Variants in SZT2 observed in about 807,000 individuals in gnomAD.
The protein encoded by SZT2 is SZT2 subunit of KICSTOR complex.
Under a neutral mutation model 404.2 loss-of-function variants are expected in SZT2, and 216 were observed. The ratio of observed to expected loss-of-function variants is 0.53; its 90% CI spans 0.48 to 0.60. The LOEUF (loss-of-function observed/expected upper bound fraction) is 0.60. Ranked by LOEUF, SZT2 falls within the 20% of genes least tolerant of loss-of-function variation. The pLI, the probability that SZT2 is intolerant of heterozygous loss-of-function variation, is 0.00. For missense variants in SZT2, 3,857 were observed against 4,459.2 expected (o/e 0.86, Z 3.85); for synonymous variants, 1,693 against 1,749.9 (o/e 0.97, Z 0.81).
chr1:43,420,391 A>G lies in SZT2; in HGVS notation c.1261+68A>G, dbSNP rs930478606. Reference sequence around the variant, plus strand: ...AGAATTTGTGTGTGGGAAGACCCACATGTATCACACATGAAAGAGTGTCAC... The same window carrying G: ...AGAATTTGTGTGTGGGAAGACCCACGTGTATCACACATGAAAGAGTGTCAC... On this transcript the variant is annotated intron_variant, in intron 9 of 71. Transcript: ENST00000634258. This position sits in a 1 kb window ranked among gnomAD's most constrained non-coding sequence, Gnocchi z 5.1. The G allele has an allele frequency of 2.6e-5, 38 of 1,467,380 alleles. No individual in the cohort carries two copies. The highest frequency in any genetic ancestry group is 3.2e-5 in the Non-Finnish European group (36 of 1,108,132). The allele number at this position is 1,467,380 out of a possible 1,614,324, so 90.9% of individuals were successfully genotyped here. A position where few individuals can be genotyped will look rare whatever the true frequency, so the allele number is the denominator to read the frequency against.
intron 1 of SZT2, among the ~76,000 whole-genome samples, chr1:43,390,891 T>G (rs968997879): frequency 2.0e-5 from 3 of 152,248 alleles, no homozygotes; most frequent in African/African-American, 7.2e-5. Context: ...TAGTATTCAT[T>G]ACTGCATACA....
intron 46 of SZT2, chr1:43,438,185 A>G (rs1654669148): frequency 7.1e-6 from 3 of 424,986 alleles, no homozygotes; most frequent in South Asian, 2.3e-5. Context: ...GGCTTCTGCC[A>G]TGTTCAGGGT....
intron 28 of SZT2, chr1:43,428,787 C>G (rs1342543484): frequency 8.6e-6 from 3 of 350,870 alleles, no homozygotes; most frequent in African/African-American, 6.1e-5. Context: ...TGAGGACATC[C>G]ACACAATAGT....
chr1:43,438,410 A>C (rs537041873), intron 46 of SZT2, among the ~76,000 whole-genome samples: 44 of 152,190 alleles, frequency 2.9e-4, no homozygotes, highest in Non-Finnish European at 5.3e-4. Context: ...GAGACTGTTA[A>C]ATAACTTCTA....
In SZT2 at chr1:43,453,302, C is replaced by A. The variant is rs74598418; in HGVS notation, c.*2822C>A. 1,757 of 862,944 alleles carry A rather than the reference C, an allele frequency of 2.0e-3. 24 individuals are homozygous for A. In the African/African-American group the frequency reaches 0.026, roughly 13 times the overall value. 53.5% of individuals were successfully genotyped at this position (862,944 alleles called of 1,614,324 possible). A position where few individuals can be genotyped will look rare whatever the true frequency, so the allele number is the denominator to read the frequency against. On this transcript the variant is annotated 3_prime_UTR_variant, in exon 72 of 72. Transcript: ENST00000634258. ...AAACCAGTGGGCTCAGACTTCTGAG[C>A]GTCTCAGATCTGGCGTCCTCGACTC...
At chr1:43,435,757 G>GA (rs1654394701) in intron 42 of SZT2, 1 of 160,356 alleles carries the variant, frequency 6.2e-6, no homozygotes, top group Non-Finnish European at 1.4e-5. Context: ...AGGGGAGGGG[G>GA]AGAGGTTGAA....
intron 12 of SZT2, 73 bp from the exon 13 acceptor site, chr1:43,422,407 T>C (rs1652477488): frequency 1.3e-6 from 2 of 1,508,162 alleles, no homozygotes; most frequent in East Asian, 2.3e-5. Flanking sequence ...TAGAAGAGAG[T>C]GATAGTAGTC....
At chr1:43,407,682 C>T (rs1384444279) in intron 4 of SZT2, among the ~76,000 whole-genome samples, 1 of 151,892 alleles carries the variant, frequency 6.6e-6, no homozygotes, top group African/African-American at 2.4e-5. Context: ...AGTTAATTCA[C>T]ATATATAATA....
chr1:43,391,343 C>T (rs1259754482), intron 1 of SZT2, among the ~76,000 whole-genome samples: 4 of 151,862 alleles, frequency 2.6e-5, no homozygotes, highest in Non-Finnish European at 2.9e-5. Flanking sequence ...CAAAGTTACA[C>T]AGCTATTAAG....
Position 43,427,568 on chromosome 1 carries a change from C to T in SZT2, c.3637C>T (p.Arg1213Cys), listed in dbSNP as rs930413937. The part of the protein sequence containing the change: ...QNQGELSPPF[R>C]RDLQAYAGRQ... Reference sequence around the variant, plus strand: ...TCAAGGAGAGCTAAGTCCACCATTCCGTCGAGACTTACAGGCTTACGCTGG... The same window carrying T: ...TCAAGGAGAGCTAAGTCCACCATTCTGTCGAGACTTACAGGCTTACGCTGG... Residue 1213 changes from arginine to cysteine, a missense_variant, in exon 26 of 72, where the codon CGT (arginine) becomes TGT (cysteine). Around this residue, in one of 7 missense-constraint regions of SZT2, gnomAD observed 1,725 missense variants for 1,881.0 expected, o/e 0.92. Transcript: ENST00000634258. 2 of 1,614,240 alleles carry T rather than the reference C, an allele frequency of 1.2e-6. No homozygotes were observed. Among genetic ancestry groups the T allele is most frequent in the African/African-American group, 1.3e-5 (1 of 75,046 alleles).
In SZT2 at chr1:43,427,386, G is replaced by A. The variant is rs756862838; in HGVS notation, c.3539G>A (p.Gly1180Glu). 6.2e-7 allele frequency: 1 copy of A among 1,614,056 alleles called. No individual in the cohort carries two copies. Among genetic ancestry groups the A allele is most frequent in the South Asian group, 1.1e-5 (1 of 91,036 alleles). ...GCTCCCAGTCTGAAAGATCTAGGAG[G>A]AACTGGGATCAAAGCTACAAAGTCC... ...SGAPSLKDLGGTGIKATKSHV... is the reference protein window; with the variant it reads ...SGAPSLKDLGETGIKATKSHV... Residue 1180 changes from glycine to glutamate, a missense_variant, in exon 25 of 72, where the codon GGA becomes GAA. Gly to Glu is a moderately conservative substitution (Grantham distance 98, BLOSUM62 -2). Coordinates refer to ENST00000634258, the MANE Select transcript of SZT2 (RefSeq NM_001365999.1).
At chr1:43,422,731 C>T (rs1259348330) in intron 13 of SZT2, 38 bp from the exon 14 acceptor site, 14 of 1,496,634 alleles carry the variant, frequency 9.4e-6, no homozygotes, top group Non-Finnish European at 1.2e-5. Flanking sequence ...TACTTCCTGC[C>T]AACCTTGGGC....
At position 43,422,470 on chromosome 1, in the gene SZT2, C is replaced by A. The variant is rs540649224; in HGVS notation, c.1770-10C>A. 6.4e-7 allele frequency: 1 copy of A among 1,572,190 alleles called. No individual in the cohort carries two copies. The highest frequency in any genetic ancestry group is 1.7e-5 in the Admixed American group (1 of 57,222). On this transcript the variant is annotated splice_polypyrimidine_tract_variant and intron_variant, in intron 12 of 71. Transcript: ENST00000634258. ...GGAGGTCTAACCTCAGTCCACACCC[C>A]TCTTCCTAGACCAATCCCCAAGCAC...
At chr1:43,421,413 C>A in intron 11 of SZT2, 110 bp downstream of exon 11, 1 of 1,450,436 alleles carries the variant, frequency 6.9e-7, no homozygotes, top group Non-Finnish European at 9.3e-7. Flanking sequence ...GTCTAAGGCA[C>A]CTAAGCCAGA....
In SZT2 at chr1:43,453,338, CAT is replaced by C. The variant is rs1275714921; in HGVS notation, c.*2859_*2860del. 14 of 1,254,280 alleles carry C rather than the reference CAT, an allele frequency of 1.1e-5. No homozygotes were observed. In the African/African-American group the frequency reaches 1.9e-4, roughly 17 times the overall value. 77.7% of individuals were successfully genotyped at this position (1,254,280 alleles called of 1,614,324 possible). ...TGGCGTCCTCGACTCCCTGAACCTG[CAT>C]CAGGGTCATGGGTCACAGGGGTGGG... is the stretch of plus-strand genomic sequence containing the variant. On this transcript the variant is annotated 3_prime_UTR_variant, in exon 72 of 72. Transcript: ENST00000634258.
Position 43,439,958 on chromosome 1 carries a change from C to T in SZT2, c.7120C>T (p.Leu2374Phe). The change falls in exon 51 of 72, where the codon CTC (leucine) becomes TTC (phenylalanine). Residue 2374 changes from leucine to phenylalanine, a missense_variant. Coordinates refer to ENST00000634258, the MANE Select transcript of SZT2 (RefSeq NM_001365999.1). The surrounding 1 kb of genome is among the most constrained non-coding windows in gnomAD (Gnocchi z 4.2). ...NISIVQLEEK[L>F]RGAARQALAD... ...TAGTATTGTGCAGCTGGAGGAGAAA[C>T]TCCGAGGAGCAGCTCGCCAGGCCCT... The T allele has an allele frequency of 1.9e-6, 3 of 1,613,996 alleles. No individual in the cohort carries two copies. Among genetic ancestry groups the T allele is most frequent in the Non-Finnish European group, 2.5e-6 (3 of 1,179,940 alleles).
rs1463692129 is a variant in SZT2, at chr1:43,443,081, G to A, written c.8414G>A (p.Arg2805His). Reference sequence around the variant, plus strand: ...TTCCTAGAGATCAAGATGGCAGAGCGCAGAGGTGAGGGTACTGGGCCAGGC... The same window carrying A: ...TTCCTAGAGATCAAGATGGCAGAGCACAGAGGTGAGGGTACTGGGCCAGGC... ...QQFLEIKMAE[R>H]RELERQMKME... is the part of the protein sequence containing the mutation. Residue 2805 changes from arginine to histidine, a missense_variant, in exon 59 of 72, where the codon CGC becomes CAC. Arg to His is a conservative substitution (Grantham distance 29). Transcript: ENST00000634258. 6 of 1,611,400 alleles carry A rather than the reference G, an allele frequency of 3.7e-6. No individual in the cohort carries two copies. Among genetic ancestry groups the A allele is most frequent in the East Asian group, 4.5e-5 (2 of 44,820 alleles).
chr1:43,410,618 G>C (rs1650919483), intron 4 of SZT2: 2 of 122,928 alleles, frequency 1.6e-5, no homozygotes, highest in Non-Finnish European at 3.5e-5. Flanking sequence ...ACTACTAAAA[G>C]AAAGCATTGG....
chr1:43,445,831 T>G, intron 62 of SZT2, 63 bp from the exon 63 acceptor site: 1 of 1,490,974 alleles, frequency 6.7e-7, no homozygotes, highest in Non-Finnish European at 9.4e-7. Context: ...ATTCTGGGTC[T>G]GATCACCATG....
Sources: gnomAD v4.1 joint callset for allele counts (sites outside exome capture counted in the v4.1 genomes callset) on GRCh38, gnomAD v4.1.1 for gene constraint, gnomAD v4.1.1 regional missense constraint, Gnocchi (gnomAD v3.1) non-coding constraint, MANE v1.5 for transcripts, NCBI Gene and HGNC (gene_info 2026-07-23, HGNC 2026-07-21) for gene names.